Variants in ATP13A3 observed in about 807,000 individuals in gnomAD.
ATP13A3 encodes the protein ATPase 13A3, also known as polyamine-transporting ATPase 13A3.
In ATP13A3, 59 loss-of-function variants were observed where a neutral mutation model predicts 158.1. The observed-to-expected ratio is 0.37, with a 90% CI of 0.30 to 0.46. The LOEUF (loss-of-function observed/expected upper bound fraction) is 0.46. Ranked by LOEUF, ATP13A3 falls within the 20% of genes least tolerant of loss-of-function variation. ATP13A3 has a pLI of 1.00. For synonymous variants in ATP13A3, 491 were observed against 504.3 expected (o/e 0.97, Z 0.35); for missense variants, 1,166 against 1,525.2 (o/e 0.76, Z 3.92).
At chr3:194,476,390 A>G (rs147852329) in intron 2 of ATP13A3, among the ~76,000 whole-genome samples, 2 of 152,262 alleles carry the variant, frequency 1.3e-5, no homozygotes, top group African/African-American at 4.8e-5. Context: ...CTAACACTCA[A>G]TAGGTTCATT....
chr3:194,411,601 T>G (rs1715436494), intron 33 of ATP13A3, among the ~76,000 whole-genome samples: 1 of 152,170 alleles, frequency 6.6e-6, no homozygotes, highest in Admixed American at 6.5e-5. Context: ...TGACAGGCTG[T>G]TTAACAGACC....
rs558649243 is a variant in ATP13A3, at chr3:194,484,289, G to A, written c.-47+1505C>T. ...AATATTGTTACCTGAAAGTGTTGAG[G>A]ATTAGTTGAGACCATATGTAAAGAA... On this transcript the variant is annotated intron_variant, in intron 2 of 33. Transcript: ENST00000645319. 7.2e-5 allele frequency among the ~76,000 whole-genome samples: 11 copies of A among 152,228 alleles called. No individual in the cohort carries two copies. In the South Asian group the frequency reaches 2.3e-3, roughly 32 times the overall value.
intron 30 of ATP13A3, among the ~76,000 whole-genome samples, chr3:194,422,128 A>AG (rs1483871698): frequency 6.6e-6 from 1 of 151,868 alleles, no homozygotes; most frequent in Admixed American, 6.6e-5. Flanking sequence ...TTTAGCCTGG[A>AG]GGAAAAAAAA....
chr3:194,489,677 A>G (rs115798553), upstream of ATP13A3, among the ~76,000 whole-genome samples: 2,430 of 152,286 alleles, frequency 0.016, 31 homozygotes, highest in East Asian at 0.047. The surrounding 1 kb of genome is among the most constrained non-coding windows in gnomAD (Gnocchi z 4.1). Context: ...AGCCAAAGTA[A>G]GGCAACATAC....
intron 2 of ATP13A3, chr3:194,472,043 C>G (rs1027653103): frequency 6.6e-6 from 1 of 152,334 alleles, no homozygotes; most frequent in Non-Finnish European, 1.5e-5. Context: ...CAGCTGATTG[C>G]TGCAGGCAAC....
intron 17 of ATP13A3, among the ~76,000 whole-genome samples, chr3:194,438,124 C>T (rs1717792474): frequency 6.6e-6 from 1 of 152,186 alleles, no homozygotes. Context: ...CTCACTACTG[C>T]ACTCCAGCCG....
chr3:194,462,177 T>C lies in ATP13A3; in HGVS notation c.14A>G (p.Glu5Gly). 1 of 1,614,070 alleles carries C rather than the reference T, an allele frequency of 6.2e-7. No homozygotes were observed. Among genetic ancestry groups the C allele is most frequent in the South Asian group, 1.1e-5 (1 of 91,074 alleles). ...TTGACCCTGATTGATGGTCTTCCTTTCTTCCCTGTCCATACCTACAGTGGA... is the reference window on the plus strand; with the variant it reads ...TTGACCCTGATTGATGGTCTTCCTTCCTTCCCTGTCCATACCTACAGTGGA... Reference protein sequence around the residue: MDREERKTINQGQED... With the variant: MDREGRKTINQGQED... The change falls in exon 3 of 34, where the codon GAA (glutamate) becomes GGA (glycine). Residue 5 changes from glutamate to glycine, a missense_variant. By Grantham distance (98) the Glu-to-Gly change is moderately conservative. Coordinates refer to ENST00000645319, the MANE Select transcript of ATP13A3 (RefSeq NM_001367549.1).
At chr3:194,421,703 A>C (rs1386801094) in intron 30 of ATP13A3, among the ~76,000 whole-genome samples, 2 of 152,070 alleles carry the variant, frequency 1.3e-5, no homozygotes, top group Non-Finnish European at 2.9e-5. Flanking sequence ...TGGTCAGATA[A>C]GGAAAAAGTG....
chr3:194,477,904 T>C (rs1231817994), intron 2 of ATP13A3, among the ~76,000 whole-genome samples: 2 of 152,228 alleles, frequency 1.3e-5, no homozygotes, highest in African/African-American at 4.8e-5. Context: ...TGAATACCTC[T>C]GTGTCTTTGT....
intron 5 of ATP13A3, 64 bp from the exon 6 acceptor site, chr3:194,459,605 AC>A (rs2108965030): frequency 7.6e-7 from 1 of 1,323,388 alleles, no homozygotes; most frequent in African/African-American, 1.5e-5. Flanking sequence ...GTAATCTGTT[AC>A]TTCTATTAAC....
At chr3:194,416,097 C>T (rs966102926) in intron 31 of ATP13A3, among the ~76,000 whole-genome samples, 4 of 152,180 alleles carry the variant, frequency 2.6e-5, no homozygotes, top group African/African-American at 9.7e-5. Context: ...TATTTGAATA[C>T]TGATCAGCTA....
intron 2 of ATP13A3, among the ~76,000 whole-genome samples, chr3:194,473,599 A>AC (rs1720403495): frequency 6.6e-6 from 1 of 152,170 alleles, no homozygotes; most frequent in African/African-American, 2.4e-5. Context: ...CTATGGCCAT[A>AC]CCACCTTGAA....
At chr3:194,419,339 CT>C (rs368500300) in intron 31 of ATP13A3, among the ~76,000 whole-genome samples, 3 of 151,772 alleles carry the variant, frequency 2.0e-5, no homozygotes, top group Non-Finnish European at 2.9e-5. Flanking sequence ...GTAACGTTAC[CT>C]TTTTTTTGTT....
intron 31 of ATP13A3, among the ~76,000 whole-genome samples, chr3:194,414,423 A>T (rs1002257064): frequency 4.0e-5 from 6 of 151,240 alleles, no homozygotes; most frequent in Non-Finnish European, 8.8e-5. Flanking sequence ...AGATCCTGCC[A>T]CTGTACTCCA....
In ATP13A3 at chr3:194,406,263, T is replaced by A. The variant is rs886636263; in HGVS notation, c.3574-147A>T. Reference sequence around the variant, plus strand: ...AACGAATGGGGGAAAAAAAAATCCATGTTAAAAAAAGGCAGCTTTGGCCGG... The same window carrying A: ...AACGAATGGGGGAAAAAAAAATCCAAGTTAAAAAAAGGCAGCTTTGGCCGG... On this transcript the variant is annotated intron_variant, in intron 33 of 33. Coordinates refer to ENST00000645319, the MANE Select transcript of ATP13A3 (RefSeq NM_001367549.1). 1.4e-5 allele frequency: 13 copies of A among 925,052 alleles called. No individual in the cohort carries two copies. The African/African-American group carries it at 2.0e-4, about 14-fold the overall frequency. 57.3% of individuals were successfully genotyped at this position (925,052 alleles called of 1,614,324 possible).
At chr3:194,477,934 T>C (rs903757945) in intron 2 of ATP13A3, among the ~76,000 whole-genome samples, 3 of 152,200 alleles carry the variant, frequency 2.0e-5, no homozygotes, top group African/African-American at 7.2e-5. Context: ...AGACCACTTA[T>C]GGTTAATTCT....
At chr3:194,469,603 G>A (rs992477384) in intron 2 of ATP13A3, among the ~76,000 whole-genome samples, 9 of 152,180 alleles carry the variant, frequency 5.9e-5, no homozygotes, top group African/African-American at 2.2e-4. Context: ...GTGACACCTT[G>A]TATTGTTGAA....
At chr3:194,422,119 T>C (rs1479923525) in intron 30 of ATP13A3, among the ~76,000 whole-genome samples, 2 of 152,016 alleles carry the variant, frequency 1.3e-5, no homozygotes, top group Non-Finnish European at 1.5e-5. Context: ...CTATCTTTGT[T>C]TAGCCTGGAG....
intron 10 of ATP13A3, chr3:194,452,042 A>G (rs1718847053): frequency 6.6e-6 from 1 of 152,306 alleles, no homozygotes; most frequent in Non-Finnish European, 1.5e-5. Flanking sequence ...CAAGTATTTT[A>G]TCACTCCTCT....
Sources: allele counts gnomAD v4.1 joint callset (sites outside exome capture counted in the v4.1 genomes callset), GRCh38; gene constraint gnomAD v4.1.1; non-coding constraint Gnocchi (gnomAD v3.1); transcripts MANE v1.5; gene names NCBI Gene and HGNC (gene_info 2026-07-23, HGNC 2026-07-21).